Variants in CELA3B observed in about 807,000 individuals in gnomAD.
The protein encoded by CELA3B is chymotrypsin-like elastase family member 3B.
In CELA3B, 34 loss-of-function variants were observed where a neutral mutation model predicts 37.2. The ratio of observed to expected loss-of-function variants is 0.91; its 90% CI spans 0.70 to 1.22. The LOEUF (loss-of-function observed/expected upper bound fraction) is 1.22, where lower values mean the gene tolerates loss of function less well. Ranked by LOEUF, CELA3B falls within the 50% of genes most tolerant of loss-of-function variation. The probability of loss-of-function intolerance (pLI) is 0.00; values close to 1 mark genes in which losing one functional copy is unlikely to be tolerated. For synonymous variants in CELA3B, 127 were observed against 143.5 expected, an observed-to-expected ratio of 0.89 and a Z score of 0.82; for missense variants, 340 against 363.1, an observed-to-expected ratio of 0.94 and a Z score of 0.52.
At chr1:21,986,834 G>T (rs531045738) in intron 7 of CELA3B, 151 bp downstream of exon 7, 90 of 852,946 alleles carry the variant, frequency 1.1e-4, no homozygotes, top group Middle Eastern at 7.0e-4. Flanking sequence ...AAGGCTTGGG[G>T]ATGTTTTCTG....
At chr1:21,985,794 G>A (rs7520954) in intron 6 of CELA3B, among the ~76,000 whole-genome samples, 137,828 of 151,818 alleles carry the variant, frequency 0.91, 62,812 homozygotes, top group Middle Eastern at 0.96. Flanking sequence ...GGGAGGCTGA[G>A]GCAGGAGAAT....
chr1:21,989,073 A>G (rs1196802063), intron 7 of CELA3B, among the ~76,000 whole-genome samples, 189 bp from the exon 8 acceptor site: 2 of 151,978 alleles, frequency 1.3e-5, no homozygotes, highest in African/African-American at 2.4e-5. Flanking sequence ...TAACAATTTA[A>G]TCAAGAACCC....
chr1:21,991,816 A>G (rs1334150520), downstream of CELA3B, among the ~76,000 whole-genome samples: 1 of 150,984 alleles, frequency 6.6e-6, no homozygotes, highest in Non-Finnish European at 1.5e-5. Flanking sequence ...TACATATTCA[A>G]CAGGTTATAG....
intron 4 of CELA3B, among the ~76,000 whole-genome samples, chr1:21,997,555 G>A (rs1644896122): frequency 6.6e-6 from 1 of 150,800 alleles, no homozygotes; most frequent in African/African-American, 2.5e-5. Context: ...TGGTGTGGTG[G>A]CAGGTGCCTG....
chr1:21,984,152 C>T (rs1350762064), intron 5 of CELA3B, 37 bp from the exon 6 acceptor site: 2 of 1,599,942 alleles, frequency 1.3e-6, no homozygotes, highest in Non-Finnish European at 1.7e-6. Flanking sequence ...AGCCCTGTGC[C>T]CCCAGACCCC....
At chr1:21,977,211 C>G in intron 1 of CELA3B, 129 bp downstream of exon 1, 1 of 1,370,170 alleles carries the variant, frequency 7.3e-7, no homozygotes, top group Non-Finnish European at 1.0e-6. Flanking sequence ...AGCTTGTACC[C>G]GGGGGCATGA....
intron 4 of CELA3B, among the ~76,000 whole-genome samples, chr1:21,997,329 C>A (rs113667242): frequency 0.072 from 9,655 of 133,662 alleles, 1,112 homozygotes; most frequent in African/African-American, 0.22. Context: ...CCATTGCACT[C>A]CAGTCTGGCA....
At chr1:21,998,164 A>G in exon 5 of CELA3B, 1 of 470,408 alleles carries the variant, frequency 2.1e-6, no homozygotes, top group Non-Finnish European at 4.4e-6. Context: ...CTACAGGGCA[A>G]CAAGGCACCA....
chr1:21,996,109 A>T (rs1310768269), intron 4 of CELA3B, among the ~76,000 whole-genome samples: 1 of 151,210 alleles, frequency 6.6e-6, no homozygotes, highest in Non-Finnish European at 1.5e-5. Context: ...GCTACTGGGG[A>T]GGCTGAGGCA....
chr1:21,987,980 G>A (rs1644849289), intron 7 of CELA3B: 1 of 149,412 alleles, frequency 6.7e-6, no homozygotes, highest in African/African-American at 2.4e-5. Flanking sequence ...GGAGGCCGAG[G>A]CGTATGGATC....
chr1:21,984,757 G>A (rs1439384510), intron 6 of CELA3B, among the ~76,000 whole-genome samples: 1 of 152,024 alleles, frequency 6.6e-6, no homozygotes, highest in Non-Finnish European at 1.5e-5. Flanking sequence ...GACCAGCCTG[G>A]CCAACATGGT....
chr1:21,984,947 A>C (rs148889413), intron 6 of CELA3B, among the ~76,000 whole-genome samples: 6,279 of 150,506 alleles, frequency 0.042, 165 homozygotes, highest in African/African-American at 0.06. Flanking sequence ...ACTCTGTCTA[A>C]AAAAAAAATA....
chr1:21,985,248 A>C (rs1644830766), intron 6 of CELA3B, among the ~76,000 whole-genome samples: 2 of 149,520 alleles, frequency 1.3e-5, no homozygotes, highest in South Asian at 4.2e-4. Flanking sequence ...TTGCCACTGC[A>C]CTCAAGCCTG....
At chr1:21,978,909 C>A (rs182446673) in intron 2 of CELA3B, among the ~76,000 whole-genome samples, 1 of 151,430 alleles carries the variant, frequency 6.6e-6, no homozygotes, top group Non-Finnish European at 1.5e-5. Context: ...AGGCCGGGCA[C>A]GGTGGCTCAC....
rs566736901 is a variant in CELA3B at position 21,996,379 on chromosome 1, T to C, written c.505-1772T>C. ...AAACCCTCCAAAACAAAGATAGCCA[T>C]GAGAGTGACCTCGGGTCGTCCTGAC... On this transcript the variant is annotated intron_variant, in intron 4 of 4. Coordinates refer to the CELA3B transcript ENST00000400277. Among the ~76,000 whole-genome samples, 317 of 151,142 alleles carry C rather than the reference T, an allele frequency of 2.1e-3. 7 individuals are homozygous for C. The highest frequency in any genetic ancestry group is 3.1e-3 in the Non-Finnish European group (213 of 67,884).
At chr1:21,983,395 T>C (rs1368067732) in intron 4 of CELA3B, among the ~76,000 whole-genome samples, 7 of 151,016 alleles carry the variant, frequency 4.6e-5, no homozygotes, top group Non-Finnish European at 8.8e-5. Context: ...TTAAGAACGA[T>C]TTGGGCCAGG....
chr1:21,993,104 A>C (rs1644875750), downstream of CELA3B, among the ~76,000 whole-genome samples: 1 of 151,404 alleles, frequency 6.6e-6, no homozygotes, highest in African/African-American at 2.4e-5. Flanking sequence ...GTATTTCCGC[A>C]CTAAAATACC....
chr1:21,981,294 G>A, intron 4 of CELA3B, 122 bp downstream of exon 4: 1 of 156,996 alleles, frequency 6.4e-6, no homozygotes, highest in East Asian at 4.6e-5. Context: ...GCTGGGTCCA[G>A]CAGCCTGTGC....
At chr1:21,998,385 G>A (rs1334270141) in exon 5 of CELA3B, 4 of 341,752 alleles carry the variant, frequency 1.2e-5, no homozygotes, top group African/African-American at 4.4e-5. Flanking sequence ...AAAACCCCCC[G>A]CCCCATGGGG....
Sources: gnomAD v4.1 joint callset for allele counts (sites outside exome capture counted in the v4.1 genomes callset) on GRCh38, gnomAD v4.1.1 for gene constraint, MANE v1.5 for transcripts, NCBI Gene and HGNC (gene_info 2026-07-23, HGNC 2026-07-21) for gene names.